The following NSL1 variants were observed in gnomAD, a reference collection of about 807,000 sequenced individuals.
NSL1 encodes NSL1 component of MIS12 kinetochore complex, also known as kinetochore-associated protein NSL1 homolog.
Under a neutral mutation model 25.4 loss-of-function variants are expected in NSL1, and 11 were observed. That is an observed-to-expected ratio of 0.43 (90% CI 0.27 to 0.72). The LOEUF is 0.72. Among genes scored for constraint, NSL1 ranks in the 30% least tolerant of loss-of-function variants. The pLI, the probability that NSL1 is intolerant of heterozygous loss-of-function variation, is 0.19. For missense variants in NSL1, 330 were observed against 342.7 expected, an observed-to-expected ratio of 0.96 and a Z score of 0.29; for synonymous variants, 118 against 120.6, an observed-to-expected ratio of 0.98 and a Z score of 0.14.
chr1:212,781,195 T>C (rs1195126348), intron 4 of NSL1, among the ~76,000 whole-genome samples: 1 of 152,230 alleles, frequency 6.6e-6, no homozygotes, highest in East Asian at 1.9e-4. Context: ...ATTCTTCCAC[T>C]AATACTACAT....
rs1658180920 is a variant in NSL1, at chr1:212,735,145, GATGAT to G, written c.*3258_*3262del. The G allele has an allele frequency of 3.9e-6, 1 of 254,788 alleles. No homozygotes were observed. The allele number at this position is 254,788 out of a possible 1,614,324, so 15.8% of individuals were successfully genotyped here. On this transcript the variant is annotated 3_prime_UTR_variant, in exon 6 of 6. Coordinates refer to ENST00000366977, the MANE Select transcript of NSL1 (RefSeq NM_015471.4). ...ATGGTAGAACTGCAATCTGAACCCA[GATGAT>G]CTGGCTCAGAGACTATGCTCTTTAA...
chr1:212,768,319 C>CAAAAAAAAAAAAAAAAAA (rs34528216), intron 4 of NSL1, among the ~76,000 whole-genome samples: 1 of 68,906 alleles, frequency 1.5e-5, no homozygotes, highest in Non-Finnish European at 2.4e-5. Context: ...GACTCCGTCT[C>CAAAAAAAAAAAAAAAAAA]AAAAAAAAAA....
intron 5 of NSL1, 90 bp from the exon 6 acceptor site, chr1:212,738,776 T>C: frequency 8.6e-7 from 1 of 1,162,690 alleles, no homozygotes; most frequent in Non-Finnish European, 1.2e-6. Context: ...ATTTTTTTTT[T>C]TTTTCTTGAG....
At chr1:212,741,163 A>G (rs74138630) in intron 4 of NSL1, among the ~76,000 whole-genome samples, 3,742 of 152,274 alleles carry the variant, frequency 0.025, 130 homozygotes, top group African/African-American at 0.082. Context: ...AGATTCCCCA[A>G]AAGTACTCAG....
rs1023704202 is a variant in NSL1 at position 212,750,580 on chromosome 1, ACCTT to A, written c.500-10983_500-10980del. 2.6e-5 allele frequency among the ~76,000 whole-genome samples: 4 copies of A among 152,268 alleles called. No individual in the cohort carries two copies. The East Asian group carries it at 7.7e-4, about 29-fold the overall frequency. On this transcript the variant is annotated intron_variant, in intron 4 of 5. Coordinates refer to ENST00000366977, the MANE Select transcript of NSL1 (RefSeq NM_015471.4). ...AGTTTAAAAATGGATCTGAGAGATA[ACCTT>A]AAGTGTTTGCCATATTGAGATGAAT...
In NSL1 at chr1:212,738,248, T is replaced by G; in HGVS notation, c.*160A>C. 2 of 1,394,136 alleles carry G rather than the reference T, an allele frequency of 1.4e-6. No homozygotes were observed. The highest frequency in any genetic ancestry group is 1.4e-5 in the African/African-American group (1 of 69,084). 86.4% of individuals were successfully genotyped at this position (1,394,136 alleles called of 1,614,324 possible). ...ATAAAACAGTAAGGAAATACAATAT[T>G]ATATCATATCCCCGCACAGAGATAC... On this transcript the variant is annotated 3_prime_UTR_variant, in exon 6 of 6. Transcript: ENST00000366977.
chr1:212,791,615 A>G lies in NSL1; in HGVS notation c.149T>C (p.Leu50Pro). The G allele has an allele frequency of 1.2e-6, 2 of 1,613,798 alleles. No homozygotes were observed. The highest frequency in any genetic ancestry group is 1.7e-6 in the Non-Finnish European group (2 of 1,180,014). ...CTSKRAVTEM[L>P]QLCGRFVQKL... ...TTGCACGAAGCGGCCGCACAGTTGT[A>G]GCATTTCGGTCACAGCCCGCTTCGA... Residue 50 changes from leucine (L) to proline (P), a missense_variant, in exon 1 of 6, where the codon CTA becomes CCA. By Grantham distance (98) the Leu-to-Pro change is moderately conservative (BLOSUM62 -3). Transcript: ENST00000366977.
intron 4 of NSL1, among the ~76,000 whole-genome samples, chr1:212,776,675 A>G (rs1571910212): frequency 6.6e-6 from 1 of 151,796 alleles, no homozygotes; most frequent in African/African-American, 2.4e-5. Flanking sequence ...TTCACTCAAC[A>G]CAATGGAAGG....
At chr1:212,763,902 CTT>C (rs1212644133) in intron 4 of NSL1, 1 of 221,810 alleles carries the variant, frequency 4.5e-6, no homozygotes, top group Non-Finnish European at 9.4e-6. Context: ...AAACAACAAA[CTT>C]AAACTATATC....
chr1:212,763,995 T>C (rs1417875589), intron 4 of NSL1: 2 of 436,422 alleles, frequency 4.6e-6, no homozygotes, highest in Non-Finnish European at 9.2e-6. Context: ...CATCAGCACA[T>C]GGAACAGTCT....
At position 212,729,439 on chromosome 1, in the gene NSL1, GA is replaced by G. The variant is rs1187676766; in HGVS notation, c.*8968del. On this transcript the variant is annotated 3_prime_UTR_variant, in exon 6 of 6. Coordinates refer to ENST00000366977, the MANE Select transcript of NSL1 (RefSeq NM_015471.4). ...TGTGTGTAATAAAAGGTGTGGCTAC[GA>G]AAAATCATTTTACAATATTGTCTGG... 4 of 985,368 alleles carry G rather than the reference GA, an allele frequency of 4.1e-6. No homozygotes were observed. In the South Asian group the frequency reaches 1.4e-4, roughly 35 times the overall value. The allele number at this position is 985,368 out of a possible 1,614,324, so 61.0% of individuals were successfully genotyped here. A position where few individuals can be genotyped will look rare whatever the true frequency, so the allele number is the denominator to read the frequency against.
At chr1:212,771,707 C>CT (rs1660125118) in intron 4 of NSL1, among the ~76,000 whole-genome samples, 1 of 149,212 alleles carries the variant, frequency 6.7e-6, no homozygotes, top group African/African-American at 2.5e-5. Flanking sequence ...TGTTTCTATA[C>CT]ACCAATAATG....
chr1:212,777,495 G>C (rs1483513821), intron 4 of NSL1, among the ~76,000 whole-genome samples: 1 of 152,204 alleles, frequency 6.6e-6, no homozygotes, highest in Non-Finnish European at 1.5e-5. Context: ...ATAGCTAAAT[G>C]AATAGAGAGC....
intron 4 of NSL1, among the ~76,000 whole-genome samples, chr1:212,747,699 A>G (rs1658868293): frequency 6.6e-6 from 1 of 152,250 alleles, no homozygotes; most frequent in Non-Finnish European, 1.5e-5. Flanking sequence ...ACATGAGAGC[A>G]ATATATTTTC....
intron 4 of NSL1, among the ~76,000 whole-genome samples, chr1:212,770,008 A>G (rs1331610567): frequency 6.6e-6 from 1 of 152,090 alleles, no homozygotes; most frequent in East Asian, 1.9e-4. Flanking sequence ...GGAAAAAGAT[A>G]CTCCACACAA....
At chr1:212,780,515 AGG>A (rs1465270998) in intron 4 of NSL1, among the ~76,000 whole-genome samples, 10 of 127,682 alleles carry the variant, frequency 7.8e-5, no homozygotes, top group African/African-American at 2.6e-4. Context: ...AAAAAAAAAA[AGG>A]AAAAAAAAAA....
chr1:212,778,543 C>T (rs554860171), intron 4 of NSL1, among the ~76,000 whole-genome samples: 2 of 152,314 alleles, frequency 1.3e-5, no homozygotes, highest in South Asian at 2.1e-4. Context: ...CGATTGCAGG[C>T]GCGCGCCGCC....
chr1:212,744,057 CGAAGCAGCA>C (rs1558041191), intron 4 of NSL1, among the ~76,000 whole-genome samples: 1 of 152,112 alleles, frequency 6.6e-6, no homozygotes, highest in African/African-American at 2.4e-5. Flanking sequence ...TGAAAGGTAA[CGAAGCAGCA>C]GATGCAGCGT....
chr1:212,746,077 G>C (rs1324174241), intron 4 of NSL1, among the ~76,000 whole-genome samples: 4 of 152,202 alleles, frequency 2.6e-5, no homozygotes, highest in African/African-American at 7.2e-5. Flanking sequence ...AAGGATGCTA[G>C]ACAGCACCTT....
Sources: gnomAD v4.1 joint callset for allele counts (sites outside exome capture counted in the v4.1 genomes callset) on GRCh38, gnomAD v4.1.1 for gene constraint, MANE v1.5 for transcripts, NCBI Gene and HGNC (gene_info 2026-07-23, HGNC 2026-07-21) for gene names.